HPSE2: variants seen among roughly 807,000 people sequenced by gnomAD.
HPSE2 encodes heparanase 2 (inactive), also known as inactive heparanase-2.
HPSE2 carries 38 observed loss-of-function variants against 60.5 expected under a neutral mutation model. The ratio of observed to expected loss-of-function variants is 0.63; its 90% CI spans 0.48 to 0.82. The LOEUF (loss-of-function observed/expected upper bound fraction) is 0.82, where lower values mean the gene tolerates loss of function less well. Ranked by LOEUF, HPSE2 falls within the 40% of genes least tolerant of loss-of-function variation. HPSE2 has a pLI of 0.00. For synonymous variants in HPSE2, 295 were observed against 293.2 expected (o/e 1.01, Z -0.06); for missense variants, 713 against 740.4 (o/e 0.96, Z 0.43).
intron 3 of HPSE2, among the ~76,000 whole-genome samples, chr10:99,106,470 C>A (rs1452323508): frequency 6.6e-6 from 1 of 151,872 alleles, no homozygotes; most frequent in Non-Finnish European, 1.5e-5. Context: ...ATGATATATA[C>A]ATTGCACTAC....
intron 3 of HPSE2, among the ~76,000 whole-genome samples, chr10:98,799,270 G>T (rs1421921974): frequency 6.6e-6 from 1 of 152,166 alleles, no homozygotes; most frequent in Non-Finnish European, 1.5e-5. Flanking sequence ...CCCAATACTG[G>T]AGTGCCCAGA....
At chr10:99,286,313 T>C in the HPSE2 span, among the ~76,000 whole-genome samples, 4 of 152,224 alleles carry the variant, frequency 2.6e-5, no homozygotes, top group African/African-American at 9.6e-5. Flanking sequence ...AAGGTGAATA[T>C]GATCCACGTT....
chr10:98,583,817 A>C (rs2133927247), intron 9 of HPSE2, among the ~76,000 whole-genome samples: 1 of 152,342 alleles, frequency 6.6e-6, no homozygotes, highest in South Asian at 2.1e-4. Flanking sequence ...AGGTTCATCC[A>C]CGCTGTAGCA....
chr10:99,140,249 T>C (rs927997764), intron 3 of HPSE2, among the ~76,000 whole-genome samples: 2 of 152,150 alleles, frequency 1.3e-5, no homozygotes, highest in Admixed American at 6.5e-5. Context: ...AAGCCAACCA[T>C]TGGAATCTCA....
intron 9 of HPSE2, among the ~76,000 whole-genome samples, chr10:98,536,803 G>A (rs1423744706): frequency 3.9e-5 from 6 of 152,148 alleles, no homozygotes; most frequent in Non-Finnish European, 8.8e-5. Context: ...ATGAATGTAA[G>A]AGAGTTTACT....
chr10:99,281,140 G>A, the HPSE2 span, among the ~76,000 whole-genome samples: 1 of 38,008 alleles, frequency 2.6e-5, no homozygotes, highest in Non-Finnish European at 5.7e-5. Flanking sequence ...TGTACATTGT[G>A]TATGTTATTT....
intron 3 of HPSE2, among the ~76,000 whole-genome samples, chr10:98,952,753 G>C (rs1454408103): frequency 6.6e-6 from 1 of 152,164 alleles, no homozygotes; most frequent in Non-Finnish European, 1.5e-5. Context: ...CTGATTTGCA[G>C]ATGGCTACCT....
intron 2 of HPSE2, among the ~76,000 whole-genome samples, chr10:99,219,257 C>G (rs1479813904): frequency 6.6e-6 from 1 of 152,198 alleles, no homozygotes; most frequent in East Asian, 1.9e-4. Context: ...CTCCTATTCT[C>G]TGGACTGGTT....
intron 3 of HPSE2, among the ~76,000 whole-genome samples, chr10:99,054,958 C>A (rs965457573): frequency 6.6e-6 from 1 of 151,982 alleles, no homozygotes; most frequent in Admixed American, 6.6e-5. Context: ...GTGATCTGCC[C>A]GCCTCAGCCT....
rs10466170 is a variant in HPSE2, at chr10:99,208,399, G to C, written c.448+23949C>G. On this transcript the variant is annotated intron_variant, in intron 2 of 11. Transcript: ENST00000370552. ...TACATTGTCCATTCAAAAGGCATTA[G>C]AGTGGCTAGGTACAGTGGCTTATGT... Among the ~76,000 whole-genome samples the C allele has an allele frequency of 2.0e-5, 3 of 152,116 alleles. No homozygotes were observed. In the East Asian group the frequency reaches 5.8e-4, roughly 29 times the overall value.
chr10:99,260,145 T>C, the HPSE2 span, among the ~76,000 whole-genome samples: 1 of 152,120 alleles, frequency 6.6e-6, no homozygotes, highest in Non-Finnish European at 1.5e-5. Flanking sequence ...AGAAATATTG[T>C]TAAAGTTAAA....
chr10:99,200,749 T>C (rs1848549053), intron 2 of HPSE2, among the ~76,000 whole-genome samples: 1 of 152,128 alleles, frequency 6.6e-6, no homozygotes, highest in African/African-American at 2.4e-5. Flanking sequence ...CAAGAACATA[T>C]AATTGTAAGA....
At chr10:99,084,083 G>C (rs1383361717) in intron 3 of HPSE2, among the ~76,000 whole-genome samples, 2 of 148,058 alleles carry the variant, frequency 1.4e-5, no homozygotes, top group African/African-American at 2.5e-5. Flanking sequence ...TATTGGAAAA[G>C]GGCTGTCATT....
intron 3 of HPSE2, among the ~76,000 whole-genome samples, chr10:99,089,299 G>C (rs1843433676): frequency 6.6e-6 from 1 of 152,136 alleles, no homozygotes; most frequent in South Asian, 2.1e-4. Context: ...AATCTTTATG[G>C]TTTCAGGTCT....
chr10:98,824,467 C>T (rs1490639240), intron 3 of HPSE2, among the ~76,000 whole-genome samples: 2 of 152,058 alleles, frequency 1.3e-5, no homozygotes, highest in East Asian at 3.9e-4. Context: ...TCCTGTGGTG[C>T]TTGAAGATTT....
intron 3 of HPSE2, among the ~76,000 whole-genome samples, chr10:99,042,739 C>T (rs1265327324): frequency 6.6e-6 from 1 of 151,900 alleles, no homozygotes; most frequent in African/African-American, 2.4e-5. Flanking sequence ...TAACATTCAA[C>T]AAAAGAAATG....
chr10:99,200,373 G>C (rs115350783), intron 2 of HPSE2, among the ~76,000 whole-genome samples: 73 of 152,134 alleles, frequency 4.8e-4, no homozygotes, highest in African/African-American at 1.7e-3. Flanking sequence ...ATAATATTAG[G>C]ATGCAAGTTT....
chr10:98,550,955 A>G (rs1297782842), intron 9 of HPSE2, among the ~76,000 whole-genome samples: 2 of 152,152 alleles, frequency 1.3e-5, no homozygotes, highest in Admixed American at 1.3e-4. Flanking sequence ...TACCTGGCTT[A>G]TGGTTGAGCC....
chr10:98,753,756 G>A lies in HPSE2; in HGVS notation c.611-9700C>T, dbSNP rs146749212. Among the ~76,000 whole-genome samples, 237 of 152,160 alleles carry A rather than the reference G, an allele frequency of 1.6e-3. No homozygotes were observed. The Middle Eastern group carries it at 0.017, about 11-fold the overall frequency. On this transcript the variant is annotated intron_variant, in intron 3 of 11. Transcript: ENST00000370552. ...GCCCAGAAATGCTTAGCTGAGCCTC[G>A]GCCCCTGAAATCCAGAAAAGAAACT...
Sources: gnomAD v4.1 joint callset for allele counts (sites outside exome capture counted in the v4.1 genomes callset) on GRCh38, gnomAD v4.1.1 for gene constraint, MANE v1.5 for transcripts, NCBI Gene and HGNC (gene_info 2026-07-23, HGNC 2026-07-21) for gene names.